Variants in PARP15 observed in about 807,000 individuals in gnomAD.
The protein encoded by PARP15 is protein mono-ADP-ribosyltransferase PARP15.
Under a neutral mutation model 62.1 loss-of-function variants are expected in PARP15, and 50 were observed. The observed-to-expected ratio is 0.81, with a 90% CI of 0.64 to 1.02. The LOEUF is 1.02. Among genes scored for constraint, PARP15 ranks in the 50% least tolerant of loss-of-function variants. The probability of loss-of-function intolerance (pLI) is 0.00; values close to 1 mark genes in which losing one functional copy is unlikely to be tolerated. For missense variants in PARP15, 820 were observed against 826.5 expected, an observed-to-expected ratio of 0.99 and a Z score of 0.10; for synonymous variants, 309 against 293.1, an observed-to-expected ratio of 1.05 and a Z score of -0.55.
At chr3:122,610,935 G>A (rs9830236) in intron 3 of PARP15, among the ~76,000 whole-genome samples, 4,850 of 152,256 alleles carry the variant, frequency 0.032, 116 homozygotes, top group Non-Finnish European at 0.053. Flanking sequence ...CAACAAAGAA[G>A]TGTCTGCCCT....
In PARP15 at chr3:122,605,924, T is replaced by A; in HGVS notation, c.187-12T>A. On this transcript the variant is annotated splice_polypyrimidine_tract_variant and intron_variant, in intron 1 of 11. Coordinates refer to ENST00000464300, the MANE Select transcript of PARP15 (RefSeq NM_001113523.3). ...TGGCATTGCTGGTAATGCTTTACTG[T>A]TTTCTCCACAGTCCAGAGACAACAA... The A allele has an allele frequency of 6.4e-7, 1 of 1,550,422 alleles. No individual in the cohort carries two copies. Among genetic ancestry groups the A allele is most frequent in the Non-Finnish European group, 8.7e-7 (1 of 1,146,248 alleles).
chr3:122,634,814 AGATACTTTTAGCCCATCTT>A (rs1161560537), intron 10 of PARP15, among the ~76,000 whole-genome samples, 187 bp from the exon 11 acceptor site: 8 of 152,254 alleles, frequency 5.3e-5, no homozygotes, highest in African/African-American at 1.9e-4. Flanking sequence ...AGACACTAAT[AGATACTTTTAGCCCATCTT>A]TCTCTAAAGG....
At chr3:122,617,258 G>A in intron 6 of PARP15, 94 bp downstream of exon 6, 3 of 1,319,908 alleles carry the variant, frequency 2.3e-6, no homozygotes, top group African/African-American at 1.5e-5. Flanking sequence ...GACAGAGAGT[G>A]TTGTAGAAAA....
chr3:122,625,280 G>A (rs575238034), intron 8 of PARP15, among the ~76,000 whole-genome samples: 1 of 152,114 alleles, frequency 6.6e-6, no homozygotes, highest in East Asian at 1.9e-4. Flanking sequence ...TTGAGACAGT[G>A]TCTCACTCTG....
chr3:122,610,780 CCTT>C (rs1290450190), intron 3 of PARP15, 50 bp downstream of exon 3: 2 of 1,435,842 alleles, frequency 1.4e-6, no homozygotes, highest in Non-Finnish European at 1.8e-6. Context: ...TTGGGAATCT[CCTT>C]CTGGTGTGGT....
intron 9 of PARP15, among the ~76,000 whole-genome samples, chr3:122,630,276 C>T (rs895674456): frequency 5.9e-5 from 9 of 152,152 alleles, no homozygotes; most frequent in African/African-American, 1.7e-4. Context: ...CCGAAGTCAC[C>T]TTTTGTACAT....
intron 6 of PARP15, among the ~76,000 whole-genome samples, chr3:122,618,472 G>A (rs1240372295): frequency 6.6e-6 from 1 of 152,174 alleles, no homozygotes; most frequent in Non-Finnish European, 1.5e-5. Flanking sequence ...GTACCTGCAG[G>A]CGAGAAGAGT....
At chr3:122,629,634 T>C (rs1212440847) in intron 9 of PARP15, among the ~76,000 whole-genome samples, 1 of 152,220 alleles carries the variant, frequency 6.6e-6, no homozygotes, top group Non-Finnish European at 1.5e-5. Context: ...ACATTTATTG[T>C]CCACTTTGTT....
chr3:122,613,332 T>C (rs1935712258), intron 4 of PARP15, 64 bp downstream of exon 4: 1 of 1,339,944 alleles, frequency 7.5e-7, no homozygotes, highest in Non-Finnish European at 1.0e-6. Flanking sequence ...CAGATGTTTT[T>C]ATAGATCTAG....
intron 1 of PARP15, among the ~76,000 whole-genome samples, chr3:122,589,656 A>G (rs555666107): frequency 7.6e-4 from 116 of 152,038 alleles, no homozygotes; most frequent in African/African-American, 2.6e-3. Context: ...TAATGTCCTT[A>G]TTGGCCATTT....
At chr3:122,634,961 G>A (rs540786334) in intron 10 of PARP15, 59 bp from the exon 11 acceptor site, 5 of 1,504,962 alleles carry the variant, frequency 3.3e-6, no homozygotes, top group East Asian at 2.3e-5. Flanking sequence ...TCCACAACAA[G>A]TACAATATAC....
At chr3:122,623,904 G>A (rs754149555) in intron 8 of PARP15, among the ~76,000 whole-genome samples, 3 of 152,142 alleles carry the variant, frequency 2.0e-5, no homozygotes, top group Non-Finnish European at 4.4e-5. Context: ...AGCACTTTGC[G>A]GGGCTGAGGC....
intron 1 of PARP15, 65 bp from the exon 2 acceptor site, chr3:122,605,871 G>A (rs1460307029): frequency 1.4e-5 from 21 of 1,509,214 alleles, no homozygotes; most frequent in East Asian, 5.0e-5. Flanking sequence ...CTGAGCCACC[G>A]CACCTGGCCT....
intron 4 of PARP15, chr3:122,615,165 C>G: frequency 8.3e-7 from 1 of 1,207,046 alleles, no homozygotes; most frequent in African/African-American, 1.6e-5. Context: ...TAACTCTACT[C>G]TGTCGCCCAT....
At chr3:122,615,139 C>G (rs1935868248) in intron 4 of PARP15, 1 of 1,119,702 alleles carries the variant, frequency 8.9e-7, no homozygotes, top group Admixed American at 4.1e-5. Context: ...ATGAAGACAA[C>G]CCAAGTGAAA....
intron 1 of PARP15, among the ~76,000 whole-genome samples, chr3:122,581,046 C>T (rs999608765): frequency 3.9e-5 from 6 of 152,136 alleles, no homozygotes; most frequent in African/African-American, 1.4e-4. Context: ...ATAGACTATA[C>T]CATATAGCCT....
intron 2 of PARP15, 105 bp from the exon 3 acceptor site, chr3:122,610,389 G>A (rs979267279): frequency 4.7e-6 from 5 of 1,057,182 alleles, no homozygotes; most frequent in Non-Finnish European, 5.4e-6. Flanking sequence ...TAGTATGACA[G>A]GCAAAACATA....
At chr3:122,585,368 G>C (rs1012051503) in intron 1 of PARP15, among the ~76,000 whole-genome samples, 15 of 152,302 alleles carry the variant, frequency 9.8e-5, no homozygotes, top group Non-Finnish European at 1.0e-4. Context: ...CCAATCTGGA[G>C]GCTGGGTCAG....
chr3:122,618,288 T>C (rs1253439407), intron 6 of PARP15, among the ~76,000 whole-genome samples: 1 of 152,170 alleles, frequency 6.6e-6, no homozygotes, highest in East Asian at 1.9e-4. Context: ...CTTTTGGAAT[T>C]CCATTATGTA....
Sources: gnomAD v4.1 joint callset for allele counts (sites outside exome capture counted in the v4.1 genomes callset) on GRCh38, gnomAD v4.1.1 for gene constraint, MANE v1.5 for transcripts, NCBI Gene and HGNC (gene_info 2026-07-23, HGNC 2026-07-21) for gene names.